GABRA3: variants seen among roughly 807,000 people sequenced by gnomAD.
The protein encoded by GABRA3 is gamma-aminobutyric acid receptor subunit alpha-3.
A neutral mutation model predicts 30.1 loss-of-function variants in GABRA3; 10 were observed. The observed-to-expected ratio is 0.33, with a 90% confidence interval of 0.20 to 0.56. GABRA3 has a LOEUF of 0.56. Among genes scored for constraint, GABRA3 ranks in the 20% least tolerant of loss-of-function variants. The probability of loss-of-function intolerance (pLI) is 0.89; values close to 1 mark genes in which losing one functional copy is unlikely to be tolerated. For synonymous variants in GABRA3, 151 were observed against 146.8 expected (o/e 1.03, Z -0.21); for missense variants, 233 against 392.0 (o/e 0.59, Z 3.42).
intron 5 of GABRA3, among the ~76,000 whole-genome samples, chrX:152,237,955 C>G (rs1398877978): frequency 9.1e-6 from 1 of 110,488 alleles, no homozygotes; most frequent in African/African-American, 3.3e-5. Context: ...CAATTTGACT[C>G]CCTCTTTTCC....
intron 3 of GABRA3, among the ~76,000 whole-genome samples, chrX:152,297,118 G>A (rs867730008): frequency 6.7e-4 from 75 of 111,984 alleles, no homozygotes; most frequent in African/African-American, 2.3e-3. Context: ...CCTAACCACT[G>A]TGGGTTTTTG....
At chrX:152,425,653 C>A (rs1001337763) in intron 1 of GABRA3, among the ~76,000 whole-genome samples, 9 of 110,993 alleles carry the variant, frequency 8.1e-5, no homozygotes, top group Non-Finnish European at 1.5e-4. Context: ...TCAGGAGACA[C>A]ATGATTGTTT....
chrX:152,391,240 T>C (rs1431800476), intron 1 of GABRA3, among the ~76,000 whole-genome samples: 1 of 111,739 alleles, frequency 8.9e-6, no homozygotes, highest in African/African-American at 3.3e-5. Context: ...GAGTAGACAA[T>C]GACAACTGCA....
chrX:152,264,871 T>G (rs1938795724), intron 4 of GABRA3, among the ~76,000 whole-genome samples: 5 of 110,492 alleles, frequency 4.5e-5, no homozygotes, highest in Non-Finnish European at 7.6e-5. Flanking sequence ...AAAATAGATA[T>G]CAAGAAAAAA....
Position 152,317,216 on chromosome X carries a change from G to A in GABRA3, c.262+28365C>T, listed in dbSNP as rs752994795. On this transcript the variant is annotated intron_variant, in intron 3 of 9. Transcript: ENST00000370314. ...TTTTAAAGCAACAGCAGTTACAAAA[G>A]TCAAAGAGGGACATTATATAATGAT... Among the ~76,000 whole-genome samples the A allele has an allele frequency of 3.6e-3, 404 of 111,933 alleles. 1 individual carries two copies. Among genetic ancestry groups the A allele is most frequent in the Non-Finnish European group, 6.0e-3 (318 of 53,130 alleles).
intron 2 of GABRA3, among the ~76,000 whole-genome samples, chrX:152,357,625 A>C (rs767822974): frequency 9.0e-6 from 1 of 111,344 alleles, no homozygotes; most frequent in African/African-American, 3.3e-5. Flanking sequence ...CTTTCATTTT[A>C]TTAGGTCTCA....
At chrX:152,377,768 G>C (rs1929034638) in intron 1 of GABRA3, among the ~76,000 whole-genome samples, 1 of 111,568 alleles carries the variant, frequency 9.0e-6, no homozygotes, top group Middle Eastern at 4.2e-3. Flanking sequence ...CCAAAGCCTA[G>C]AATTTTCAAG....
intron 3 of GABRA3, among the ~76,000 whole-genome samples, chrX:152,289,816 T>A (rs1939369190): frequency 9.0e-6 from 1 of 111,510 alleles, no homozygotes; most frequent in Admixed American, 9.6e-5. Context: ...GGTTTCCAGC[T>A]GCATCCATGT....
At chrX:152,415,018 G>C (rs2179009) in intron 1 of GABRA3, among the ~76,000 whole-genome samples, 1 of 110,931 alleles carries the variant, frequency 9.0e-6, no homozygotes, top group Non-Finnish European at 1.9e-5. Flanking sequence ...TGGAGGAAAA[G>C]AGGGAGAGTT....
rs144377143 is a variant in GABRA3 at position 152,188,339 on chromosome X, A to C, written c.1143+1391T>G. On this transcript the variant is annotated intron_variant, in intron 9 of 9. Transcript: ENST00000370314. The stretch of plus-strand genomic sequence containing the variant: ...TTAAATGTAGAACTATGACTAAACA[A>C]TTATAGGATTTACAGTTGCATGGGA... Among the ~76,000 whole-genome samples the C allele has an allele frequency of 6.2e-3, 688 of 111,697 alleles. 6 individuals are homozygous for C. The highest frequency in any genetic ancestry group is 6.7e-3 in the Non-Finnish European group (358 of 53,157).
chrX:152,333,690 G>C (rs1481756137), intron 3 of GABRA3, among the ~76,000 whole-genome samples: 1 of 111,331 alleles, frequency 9.0e-6, no homozygotes, highest in Non-Finnish European at 1.9e-5. Flanking sequence ...ATATCTCAAG[G>C]CATAGATCAA....
At chrX:152,444,730 G>GAATACT (rs1318770238) in intron 1 of GABRA3, among the ~76,000 whole-genome samples, 15 of 5,189 alleles carry the variant, frequency 2.9e-3, no homozygotes, top group Non-Finnish European at 4.1e-3. Context: ...TATAATACTT[G>GAATACT]TGTGTTTTTT....
chrX:152,272,704 T>C (rs759957829), intron 4 of GABRA3, among the ~76,000 whole-genome samples: 1 of 111,972 alleles, frequency 8.9e-6, no homozygotes, highest in South Asian at 3.7e-4. Flanking sequence ...TTTTGAATTG[T>C]AGTTTCCATA....
intron 3 of GABRA3, among the ~76,000 whole-genome samples, chrX:152,287,871 GA>G (rs764348775): frequency 1.8e-5 from 2 of 109,735 alleles, no homozygotes; most frequent in South Asian, 7.9e-4. Flanking sequence ...TTCCAAATGG[GA>G]TAGAAGTGGA....
At chrX:152,365,247 T>G (rs920504888) in intron 1 of GABRA3, among the ~76,000 whole-genome samples, 1 of 111,614 alleles carries the variant, frequency 9.0e-6, no homozygotes, top group African/African-American at 3.3e-5. Flanking sequence ...TACTGAATAA[T>G]GAGACATCAT....
intron 3 of GABRA3, among the ~76,000 whole-genome samples, chrX:152,292,259 C>T (rs970539759): frequency 7.2e-5 from 8 of 111,218 alleles, no homozygotes; most frequent in East Asian, 2.8e-4. Context: ...GTGTATGTGT[C>T]GAGGAATTTA....
chrX:152,351,730 G>A (rs1219970663), intron 2 of GABRA3, among the ~76,000 whole-genome samples: 2 of 111,857 alleles, frequency 1.8e-5, no homozygotes, highest in Non-Finnish European at 3.8e-5. Flanking sequence ...CTAGCTTTTA[G>A]AGTATCTCAA....
At chrX:152,328,980 C>A (rs1940115430) in intron 3 of GABRA3, among the ~76,000 whole-genome samples, 1 of 112,137 alleles carries the variant, frequency 8.9e-6, no homozygotes, top group Admixed American at 9.5e-5. Context: ...TCTCCTTAAG[C>A]TGATAAGCAA....
At chrX:152,439,904 T>C (rs1002668690) in intron 1 of GABRA3, among the ~76,000 whole-genome samples, 1 of 111,595 alleles carries the variant, frequency 9.0e-6, no homozygotes, top group Non-Finnish European at 1.9e-5. Context: ...ACCTAAGACC[T>C]AAAACCATAA....
Sources: allele counts gnomAD v4.1 joint callset (sites outside exome capture counted in the v4.1 genomes callset), GRCh38; gene constraint gnomAD v4.1.1; transcripts MANE v1.5; gene names NCBI Gene and HGNC (gene_info 2026-07-23, HGNC 2026-07-21).